Variants in CSMD3 observed in about 807,000 individuals in gnomAD.
The protein encoded by CSMD3 is CUB and Sushi multiple domains 3.
A neutral mutation model predicts 435.2 loss-of-function variants in CSMD3; 177 were observed. That is an observed-to-expected ratio of 0.41 (90% CI 0.36 to 0.46). The LOEUF is 0.46. CSMD3 is among the 20% of genes least tolerant of loss of function. The pLI is 0.34. For missense variants in CSMD3, 4,265 were observed against 4,504.6 expected (o/e 0.95, Z 1.52); for synonymous variants, 1,656 against 1,520.5 (o/e 1.09, Z -2.07).
chr8:113,157,821 G>T (rs2131820164), intron 4 of CSMD3, among the ~76,000 whole-genome samples: 1 of 152,112 alleles, frequency 6.6e-6, no homozygotes, highest in African/African-American at 2.4e-5. Flanking sequence ...TGTAAAAATG[G>T]CTACCTCGTC....
chr8:112,680,552 T>C (rs946995682), intron 16 of CSMD3, among the ~76,000 whole-genome samples: 21 of 152,200 alleles, frequency 1.4e-4, no homozygotes, highest in African/African-American at 5.1e-4. Context: ...AACTCCACTA[T>C]GTTTTTAAAA....
intron 4 of CSMD3, among the ~76,000 whole-genome samples, chr8:113,110,264 C>T (rs898365272): frequency 1.3e-5 from 2 of 152,126 alleles, no homozygotes; most frequent in African/African-American, 4.8e-5. Context: ...TCCTTAAGTT[C>T]CACTTCCCTT....
intron 48 of CSMD3, 65 bp from the exon 49 acceptor site, chr8:112,314,117 T>C (rs2130833309): frequency 1.6e-6 from 2 of 1,255,338 alleles, no homozygotes; most frequent in Non-Finnish European, 2.3e-6. Context: ...TTTAGTATTT[T>C]ATATCTTTAG....
At chr8:112,755,372 A>ATAATAG (rs2077673894) in intron 13 of CSMD3, among the ~76,000 whole-genome samples, 1 of 149,664 alleles carries the variant, frequency 6.7e-6, no homozygotes, top group African/African-American at 2.4e-5. Flanking sequence ...AATAATAATA[A>ATAATAG]TGAGGGCGAT....
chr8:113,173,881 G>T lies in CSMD3; in HGVS notation c.550C>A (p.Pro184Thr). 1 of 1,613,678 alleles carries T rather than the reference G, an allele frequency of 6.2e-7. No homozygotes were observed. The highest frequency in any genetic ancestry group is 8.5e-7 in the Non-Finnish European group (1 of 1,179,732). Residue 184 changes from proline (P) to threonine (T), a missense_variant, in exon 4 of 71, where the codon CCA becomes ACA. Physicochemically the swap from Pro to Thr is conservative, Grantham distance 38. This residue lies in a region of CSMD3 where 731 missense variants were observed against 755.4 expected (regional missense o/e 0.97). Transcript: ENST00000297405. The part of the protein sequence containing the change: ...QSSSCGNPGV[P>T]PKGVLYGTRF... The stretch of plus-strand genomic sequence containing the variant: ...GTGCCATATAATACACCTTTGGGTG[G>T]AACACCAGGATTTCCACAAGAGCTA...
chr8:112,578,573 G>C (rs1455188847), intron 23 of CSMD3, among the ~76,000 whole-genome samples: 4 of 151,878 alleles, frequency 2.6e-5, no homozygotes, highest in African/African-American at 9.7e-5. Context: ...TCACCGGTGT[G>C]CTGGAAAATG....
intron 3 of CSMD3, among the ~76,000 whole-genome samples, chr8:113,253,636 T>A (rs2093353677): frequency 6.6e-6 from 1 of 151,752 alleles, no homozygotes. Flanking sequence ...GGTCAAGAGA[T>A]CAAGACCATC....
At chr8:112,977,973 T>C (rs185214925) in intron 6 of CSMD3, among the ~76,000 whole-genome samples, 1 of 152,160 alleles carries the variant, frequency 6.6e-6, no homozygotes, top group East Asian at 1.9e-4. Context: ...TGTACATTTG[T>C]GATGTGCAGT....
At chr8:112,845,834 T>C (rs2080302313) in intron 11 of CSMD3, among the ~76,000 whole-genome samples, 1 of 152,000 alleles carries the variant, frequency 6.6e-6, no homozygotes, top group Admixed American at 6.6e-5. Flanking sequence ...ATGAAGTCAT[T>C]GGACTTTGTA....
At chr8:112,944,873 C>T (rs1587728870) in intron 9 of CSMD3, among the ~76,000 whole-genome samples, 3 of 151,038 alleles carry the variant, frequency 2.0e-5, no homozygotes, top group East Asian at 3.9e-4. Context: ...GTTCTCTTGT[C>T]TTTCTACTTA....
intron 5 of CSMD3, among the ~76,000 whole-genome samples, chr8:113,066,120 CAAGAAAAAGAAAAAAAAAAAAAAGA>C (rs1029119365): frequency 2.7e-5 from 2 of 74,558 alleles, no homozygotes; most frequent in African/African-American, 1.1e-4. Context: ...GTCAAAGACC[CAAGAAAAAGAAAAAAAAAAAAAAGA>C]AAGAAAAAGA....
chr8:112,723,071 A>AT (rs1323910278), intron 13 of CSMD3, among the ~76,000 whole-genome samples: 1 of 152,006 alleles, frequency 6.6e-6, no homozygotes, highest in Non-Finnish European at 1.5e-5. Flanking sequence ...TAAGGTATTG[A>AT]TAAAACGTAG....
At chr8:113,263,630 T>A (rs1745020616) in intron 3 of CSMD3, among the ~76,000 whole-genome samples, 1 of 151,892 alleles carries the variant, frequency 6.6e-6, no homozygotes, top group South Asian at 2.1e-4. Context: ...TTTTCTGGTG[T>A]TCTATTAATT....
chr8:113,435,105 C>G (rs2130129285), intron 1 of CSMD3, among the ~76,000 whole-genome samples: 1 of 152,282 alleles, frequency 6.6e-6, no homozygotes, highest in East Asian at 1.9e-4. Context: ...AAATGTGTGG[C>G]TCCTCACCCG....
intron 3 of CSMD3, among the ~76,000 whole-genome samples, chr8:113,249,026 T>C (rs897038487): frequency 6.6e-6 from 1 of 152,080 alleles, no homozygotes; most frequent in Admixed American, 6.6e-5. Context: ...TAGGACCAGA[T>C]AGACATAAAT....
chr8:112,679,085 G>GTTTT (rs1195093248), intron 16 of CSMD3, among the ~76,000 whole-genome samples: 19 of 115,044 alleles, frequency 1.7e-4, no homozygotes, highest in African/African-American at 6.7e-4. Flanking sequence ...GATGGGGCAG[G>GTTTT]TTTTTTTTTT....
At chr8:112,257,571 C>A (rs184536566) in intron 61 of CSMD3, among the ~76,000 whole-genome samples, 42 of 152,288 alleles carry the variant, frequency 2.8e-4, no homozygotes, top group African/African-American at 9.4e-4. Flanking sequence ...ATAGAACTTA[C>A]AAGGGATGTG....
At chr8:113,273,293 A>AT (rs1313342396) in intron 3 of CSMD3, among the ~76,000 whole-genome samples, 1 of 151,906 alleles carries the variant, frequency 6.6e-6, no homozygotes, top group Non-Finnish European at 1.5e-5. Flanking sequence ...GAATACATTA[A>AT]AAAAAAACCT....
intron 24 of CSMD3, among the ~76,000 whole-genome samples, chr8:112,566,495 G>A (rs921530430): frequency 8.5e-5 from 13 of 152,056 alleles, no homozygotes; most frequent in Non-Finnish European, 7.4e-5. Flanking sequence ...TGATATAGGA[G>A]TTAAGAAATT....
Sources: allele counts gnomAD v4.1 joint callset (sites outside exome capture counted in the v4.1 genomes callset), GRCh38; gene constraint gnomAD v4.1.1; regional missense constraint gnomAD v4.1.1; transcripts MANE v1.5; gene names NCBI Gene and HGNC (gene_info 2026-07-23, HGNC 2026-07-21).